PALM2AKAP2: variants seen among roughly 807,000 people sequenced by gnomAD.
PALM2AKAP2 encodes the protein PALM2-AKAP2 fusion protein.
A neutral mutation model predicts 71.5 loss-of-function variants in PALM2AKAP2; 37 were observed. The ratio of observed to expected loss-of-function variants is 0.52; its 90% CI spans 0.40 to 0.68. The LOEUF (loss-of-function observed/expected upper bound fraction) is 0.68, where lower values mean the gene tolerates loss of function less well. PALM2AKAP2 is among the 30% of genes least tolerant of loss of function. PALM2AKAP2 has a pLI of 0.00. For missense variants in PALM2AKAP2, 1,224 were observed against 1,191.8 expected (o/e 1.03, Z -0.40); for synonymous variants, 468 against 478.8 (o/e 0.98, Z 0.29).
chr9:109,964,508 A>G (rs141594199), intron 6 of PALM2AKAP2, among the ~76,000 whole-genome samples: 2 of 152,324 alleles, frequency 1.3e-5, no homozygotes, highest in African/African-American at 2.4e-5. Context: ...TCCTTCCACA[A>G]TGATCTTTAG....
intron 1 of PALM2AKAP2, among the ~76,000 whole-genome samples, chr9:109,843,301 CAAAA>C (rs35634219): frequency 4.5e-5 from 3 of 66,958 alleles, no homozygotes; most frequent in Admixed American, 3.7e-4. Context: ...GCCCCTGTCT[CAAAA>C]AAAAAAAAAA....
chr9:110,037,992 A>C (rs996412883), intron 7 of PALM2AKAP2, among the ~76,000 whole-genome samples: 3 of 152,184 alleles, frequency 2.0e-5, no homozygotes, highest in African/African-American at 7.2e-5. Flanking sequence ...TGCTCATCCC[A>C]AATTAAAGAT....
chr9:109,641,098 G>A (rs779963915), intron 1 of PALM2AKAP2, among the ~76,000 whole-genome samples: 26 of 152,258 alleles, frequency 1.7e-4, no homozygotes, highest in Non-Finnish European at 3.5e-4. Flanking sequence ...GGGCCTGGGG[G>A]GCGAGTGAGG....
intron 1 of PALM2AKAP2, among the ~76,000 whole-genome samples, chr9:109,828,335 A>G (rs1236300556): frequency 6.6e-6 from 1 of 152,164 alleles, no homozygotes; most frequent in Non-Finnish European, 1.5e-5. Flanking sequence ...ACTTGACCAA[A>G]ATGCATTCTA....
upstream of PALM2AKAP2, chr9:110,048,584 C>G (rs1833642828): frequency 9.7e-7 from 1 of 1,029,394 alleles, no homozygotes; most frequent in Non-Finnish European, 1.3e-6. Context: ...AGGGGCGGTC[C>G]GTGGGCGCTG....
At chr9:110,060,960 T>TGCAGTTCCTTAATA in intron 1 of PALM2AKAP2, among the ~76,000 whole-genome samples, 1 of 152,330 alleles carries the variant, frequency 6.6e-6, no homozygotes, top group South Asian at 2.1e-4. Context: ...TCCCTGACTT[T>TGCAGTTCCTTAATA]GCAGTTCCTT....
At chr9:109,952,123 A>G (rs1042346554) in intron 6 of PALM2AKAP2, among the ~76,000 whole-genome samples, 1 of 152,266 alleles carries the variant, frequency 6.6e-6, no homozygotes, top group African/African-American at 2.4e-5. Context: ...TCTCTGTTAC[A>G]ACTACTCAGC....
At chr9:109,878,456 T>G (rs1829766465) in intron 2 of PALM2AKAP2, among the ~76,000 whole-genome samples, 1 of 151,718 alleles carries the variant, frequency 6.6e-6, no homozygotes, top group East Asian at 1.9e-4. Flanking sequence ...TCAAGTACCA[T>G]AAATTTGCCT....
At chr9:109,921,896 A>G (rs936749378) in intron 3 of PALM2AKAP2, among the ~76,000 whole-genome samples, 1 of 152,104 alleles carries the variant, frequency 6.6e-6, no homozygotes, top group African/African-American at 2.4e-5. Context: ...GTTAATTTGG[A>G]TATAGGGCTT....
At chr9:109,858,391 G>A (rs1340209827) in intron 1 of PALM2AKAP2, among the ~76,000 whole-genome samples, 1 of 152,212 alleles carries the variant, frequency 6.6e-6, no homozygotes, top group Non-Finnish European at 1.5e-5. Flanking sequence ...TGGAACGTGT[G>A]AAGTCGTTGT....
At chr9:110,066,970 A>G (rs963394624) in intron 1 of PALM2AKAP2, among the ~76,000 whole-genome samples, 2 of 152,186 alleles carry the variant, frequency 1.3e-5, no homozygotes, top group African/African-American at 4.8e-5. Context: ...CTAGAGACTC[A>G]TTATCAAGGA....
chr9:110,016,115 G>T (rs967012920), intron 7 of PALM2AKAP2, 76 bp downstream of exon 7: 3 of 1,423,922 alleles, frequency 2.1e-6, no homozygotes, highest in Non-Finnish European at 2.9e-6. Context: ...TTTTTCTGGG[G>T]GCAAAATGAA....
intron 7 of PALM2AKAP2, among the ~76,000 whole-genome samples, chr9:110,025,975 C>A (rs1271597127): frequency 6.6e-6 from 1 of 152,164 alleles, no homozygotes; most frequent in Non-Finnish European, 1.5e-5. Flanking sequence ...GTGCACTCAA[C>A]TCACACTTCC....
intron 7 of PALM2AKAP2, among the ~76,000 whole-genome samples, chr9:110,020,625 G>A (rs572872209): frequency 1.7e-4 from 26 of 152,190 alleles, no homozygotes; most frequent in African/African-American, 6.0e-4. Context: ...GGAGGTTGCA[G>A]TAAGCTGAGA....
At chr9:109,978,805 A>C (rs1588042054) in intron 6 of PALM2AKAP2, among the ~76,000 whole-genome samples, 1 of 146,294 alleles carries the variant, frequency 6.8e-6, no homozygotes, top group Non-Finnish European at 1.5e-5. Context: ...AGAGCTTTTT[A>C]TTAAAAATGG....
At chr9:110,005,141 C>T (rs1042659252) in intron 6 of PALM2AKAP2, among the ~76,000 whole-genome samples, 1 of 152,102 alleles carries the variant, frequency 6.6e-6, no homozygotes, top group African/African-American at 2.4e-5. Flanking sequence ...TCTGTTTTTT[C>T]CCCATCTTTG....
intron 1 of PALM2AKAP2, among the ~76,000 whole-genome samples, chr9:109,656,135 GC>G (rs1171993817): frequency 6.6e-6 from 1 of 152,132 alleles, no homozygotes; most frequent in African/African-American, 2.4e-5. Context: ...TGACGTTGGG[GC>G]AAAAAGTGGG....
intron 1 of PALM2AKAP2, among the ~76,000 whole-genome samples, chr9:109,801,661 T>G (rs1827432610): frequency 6.6e-6 from 1 of 152,092 alleles, no homozygotes; most frequent in South Asian, 2.1e-4. Flanking sequence ...GAAAGCTGAT[T>G]ATCAGAATGC....
chr9:109,722,505 C>T (rs1276234795), intron 1 of PALM2AKAP2, among the ~76,000 whole-genome samples: 1 of 152,162 alleles, frequency 6.6e-6, no homozygotes, highest in East Asian at 1.9e-4. Context: ...GGCGAGATGC[C>T]TCACACCTGT....
Sources: allele counts gnomAD v4.1 joint callset (sites outside exome capture counted in the v4.1 genomes callset), GRCh38; gene constraint gnomAD v4.1.1; transcripts MANE v1.5; gene names NCBI Gene and HGNC (gene_info 2026-07-23, HGNC 2026-07-21).